The following RARB variants were observed in gnomAD, a reference collection of about 807,000 sequenced individuals.
The protein encoded by RARB is HBV-activated protein.
Under a neutral mutation model 51.9 loss-of-function variants are expected in RARB, and 17 were observed. The ratio of observed to expected loss-of-function variants is 0.33; its 90% CI spans 0.22 to 0.49. The LOEUF (loss-of-function observed/expected upper bound fraction) is 0.49. Among genes scored for constraint, RARB ranks in the 20% least tolerant of loss-of-function variants. RARB has a pLI of 0.99. For synonymous variants in RARB, 215 were observed against 195.4 expected (o/e 1.10, Z -0.84); for missense variants, 369 against 550.8 (o/e 0.67, Z 3.30).
intron 1 of RARB, among the ~76,000 whole-genome samples, chr3:24,836,170 A>G (rs1298265850): frequency 6.6e-6 from 1 of 152,222 alleles, no homozygotes; most frequent in African/African-American, 2.4e-5. Context: ...TGTGTAAAGG[A>G]AATGAACCTT....
intron 5 of RARB, among the ~76,000 whole-genome samples, chr3:25,365,471 A>G (rs551227752): frequency 1.3e-5 from 2 of 152,142 alleles, no homozygotes; most frequent in East Asian, 1.9e-4. Flanking sequence ...TCCAGTTACA[A>G]TTGTTGTGTA....
chr3:25,215,269 T>A (rs1701803314), intron 5 of RARB, among the ~76,000 whole-genome samples: 1 of 152,220 alleles, frequency 6.6e-6, no homozygotes, highest in Admixed American at 6.5e-5. Context: ...AATGTCTTTG[T>A]AGACAGAAAA....
intron 3 of RARB, among the ~76,000 whole-genome samples, chr3:25,082,941 G>A (rs958669652): frequency 1.3e-5 from 2 of 151,980 alleles, no homozygotes; most frequent in Non-Finnish European, 2.9e-5. Context: ...TGGATATACA[G>A]CTCCAGCTTG....
chr3:25,125,384 C>T (rs915772316), intron 3 of RARB, among the ~76,000 whole-genome samples: 4 of 152,180 alleles, frequency 2.6e-5, no homozygotes, highest in Non-Finnish European at 5.9e-5. Context: ...AGCCTCTGTT[C>T]TCATGAGGAC....
chr3:24,872,323 T>C (rs1172914063), intron 2 of RARB, among the ~76,000 whole-genome samples: 1 of 152,204 alleles, frequency 6.6e-6, no homozygotes, highest in Non-Finnish European at 1.5e-5. Flanking sequence ...CTATCTGGAA[T>C]GTTCTTACCT....
chr3:24,944,121 G>T (rs1425724965), intron 2 of RARB, among the ~76,000 whole-genome samples: 1 of 152,138 alleles, frequency 6.6e-6, no homozygotes, highest in Non-Finnish European at 1.5e-5. Flanking sequence ...CTCTTTACTG[G>T]ATATTATGAA....
chr3:24,976,211 A>G (rs1329917696), intron 2 of RARB, among the ~76,000 whole-genome samples: 3 of 152,176 alleles, frequency 2.0e-5, no homozygotes, highest in African/African-American at 7.2e-5. Context: ...GCTATTGTGA[A>G]TAGTGCTGCC....
intron 5 of RARB, among the ~76,000 whole-genome samples, chr3:25,251,652 A>G (rs1702723957): frequency 6.6e-6 from 1 of 152,168 alleles, no homozygotes; most frequent in African/African-American, 2.4e-5. Flanking sequence ...GGCTATTTGC[A>G]TATCTTCTCT....
At chr3:24,924,885 A>T (rs1575074656) in intron 2 of RARB, among the ~76,000 whole-genome samples, 1 of 152,074 alleles carries the variant, frequency 6.6e-6, no homozygotes, top group African/African-American at 2.4e-5. Flanking sequence ...GACTAAAGGA[A>T]TTAATAGATT....
chr3:25,221,391 C>A (rs191202427), intron 5 of RARB, among the ~76,000 whole-genome samples: 1 of 152,292 alleles, frequency 6.6e-6, no homozygotes, highest in East Asian at 1.9e-4. Flanking sequence ...TAAATCATTA[C>A]CACTTTTTAA....
intron 5 of RARB, among the ~76,000 whole-genome samples, chr3:25,584,368 A>G (rs1057186097): frequency 1.3e-5 from 2 of 152,222 alleles, no homozygotes; most frequent in Non-Finnish European, 2.9e-5. Context: ...AGAGGAGAAC[A>G]GAAGCAGAAT....
intron 4 of RARB, among the ~76,000 whole-genome samples, chr3:25,575,560 C>T (rs981140565): frequency 3.5e-4 from 53 of 152,272 alleles, no homozygotes; most frequent in African/African-American, 8.9e-4. Flanking sequence ...TAGCTTCTGG[C>T]GTGGAAGGCA....
chr3:25,390,734 T>C (rs898031918), intron 5 of RARB, among the ~76,000 whole-genome samples: 1 of 152,170 alleles, frequency 6.6e-6, no homozygotes, highest in Non-Finnish European at 1.5e-5. Flanking sequence ...ATTACTCTTT[T>C]GGGATATTTC....
chr3:25,138,403 G>T (rs144729241), intron 4 of RARB, among the ~76,000 whole-genome samples: 22 of 150,926 alleles, frequency 1.5e-4, no homozygotes, highest in African/African-American at 4.9e-4. Flanking sequence ...GCTTTAAAAA[G>T]GACCATTGAT....
intron 5 of RARB, among the ~76,000 whole-genome samples, chr3:25,331,927 G>A (rs1313306565): frequency 1.3e-5 from 2 of 152,190 alleles, no homozygotes; most frequent in African/African-American, 4.8e-5. Context: ...AAATCTAGAA[G>A]AAATGGATAA....
At chr3:25,058,219 G>A (rs1013233397) in intron 2 of RARB, among the ~76,000 whole-genome samples, 2 of 151,796 alleles carry the variant, frequency 1.3e-5, no homozygotes, top group African/African-American at 4.8e-5. Context: ...AGGTAAAGAA[G>A]GTTAACTTTC....
At chr3:25,031,871 C>T (rs1160000054) in intron 2 of RARB, among the ~76,000 whole-genome samples, 6 of 152,184 alleles carry the variant, frequency 3.9e-5, no homozygotes, top group African/African-American at 1.4e-4. Context: ...TAAAAAGAAA[C>T]AAAAAACTCT....
At chr3:25,499,264 G>A (rs1043195020) in intron 2 of RARB, among the ~76,000 whole-genome samples, 1 of 151,776 alleles carries the variant, frequency 6.6e-6, no homozygotes, top group Non-Finnish European at 1.5e-5. Flanking sequence ...TCAGATGGTG[G>A]GGCTTAGTTT....
At chr3:24,848,716 G>A (rs997779580) in intron 1 of RARB, among the ~76,000 whole-genome samples, 16 of 152,148 alleles carry the variant, frequency 1.1e-4, no homozygotes, top group East Asian at 1.9e-4. Context: ...TAATTGCAAC[G>A]TAGCAGCATA....
Sources: gnomAD v4.1 joint callset for allele counts (sites outside exome capture counted in the v4.1 genomes callset) on GRCh38, gnomAD v4.1.1 for gene constraint, MANE v1.5 for transcripts, NCBI Gene and HGNC (gene_info 2026-07-23, HGNC 2026-07-21) for gene names.